The following LRRFIP1 variants were observed in gnomAD, a reference collection of about 807,000 sequenced individuals.
LRRFIP1 encodes the protein leucine-rich repeat flightless-interacting protein 1.
A neutral mutation model predicts 104.4 loss-of-function variants in LRRFIP1; 62 were observed. The observed-to-expected ratio is 0.59, with a 90% CI of 0.48 to 0.73. The LOEUF is 0.73. Among genes scored for constraint, LRRFIP1 ranks in the 30% least tolerant of loss-of-function variants. The pLI, the probability that LRRFIP1 is intolerant of heterozygous loss-of-function variation, is 0.00. For missense variants in LRRFIP1, 796 were observed against 824.5 expected (o/e 0.97, Z 0.42); for synonymous variants, 300 against 299.0 (o/e 1.00, Z -0.03).
intron 3 of LRRFIP1, among the ~76,000 whole-genome samples, chr2:237,715,105 C>T (rs1185979097): frequency 6.6e-6 from 1 of 152,174 alleles, no homozygotes; most frequent in Middle Eastern, 3.2e-3. Context: ...ACACAGGCCT[C>T]GGAATGCACG....
At chr2:237,714,400 A>G in intron 3 of LRRFIP1, 124 bp downstream of exon 3, 1 of 727,734 alleles carries the variant, frequency 1.4e-6, no homozygotes, top group Non-Finnish European at 2.3e-6. Flanking sequence ...TGTTTATTTT[A>G]CTACTTTGTG....
chr2:237,772,589 T>C lies in LRRFIP1; in HGVS notation c.1628-277T>C, dbSNP rs531113150. ...TATGCCCAGTCTCTCTCCGCCCTTT[T>C]CCCTACCCCCTACCATCTCTTTGTC... On this transcript the variant is annotated intron_variant, in intron 21 of 23. Transcript: ENST00000308482. The C allele has an allele frequency of 5.3e-5, 28 of 529,592 alleles. No individual in the cohort carries two copies. The South Asian group carries it at 7.2e-4, about 14-fold the overall frequency. The allele number at this position is 529,592 out of a possible 1,614,324, so 32.8% of individuals were successfully genotyped here.
chr2:237,753,838 G>A (rs1315498464), intron 15 of LRRFIP1, among the ~76,000 whole-genome samples: 5 of 84,250 alleles, frequency 5.9e-5, no homozygotes, highest in Admixed American at 1.3e-4. Flanking sequence ...GTGTGTGTGT[G>A]TGTATGTATG....
intron 1 of LRRFIP1, among the ~76,000 whole-genome samples, chr2:237,648,844 A>G (rs1358444903): frequency 6.6e-6 from 1 of 151,556 alleles, no homozygotes; most frequent in Non-Finnish European, 1.5e-5. Context: ...TCCCCAGGGG[A>G]AGGAAAAATG....
At chr2:237,678,845 A>T (rs1409086223) in intron 1 of LRRFIP1, among the ~76,000 whole-genome samples, 1 of 152,102 alleles carries the variant, frequency 6.6e-6, no homozygotes, top group Non-Finnish European at 1.5e-5. Flanking sequence ...TATAGATCAA[A>T]CACCTTCATT....
rs769330235 is a variant in LRRFIP1, at chr2:237,733,794, T to A, written c.465T>A (p.Ala155=). ...RSGRPSCLYS[A]ARPSGSYRAS... ...TCCAGCCCTCCTGTCTGTACAGCGC[T>A]GCCCGGCCTTCGGGGAGTTACCGGG... The change falls in exon 9 of 24, where the codon GCT becomes GCA. Residue 155 remains alanine, a synonymous_variant. Coordinates refer to ENST00000308482, the MANE Select transcript of LRRFIP1 (RefSeq NM_001137550.2). 5 of 1,613,938 alleles carry A rather than the reference T, an allele frequency of 3.1e-6. No individual in the cohort carries two copies. In the South Asian group the frequency reaches 5.5e-5, roughly 18 times the overall value.
intron 8 of LRRFIP1, among the ~76,000 whole-genome samples, chr2:237,731,026 C>T (rs1051429729): frequency 1.3e-5 from 2 of 152,222 alleles, no homozygotes; most frequent in Non-Finnish European, 2.9e-5. Flanking sequence ...GCCATTTGAG[C>T]AGAGCAGAGG....
chr2:237,739,353 C>T, intron 11 of LRRFIP1, 44 bp downstream of exon 11: 4 of 1,485,096 alleles, frequency 2.7e-6, no homozygotes, highest in Middle Eastern at 1.7e-4. Flanking sequence ...TGTCACCCTC[C>T]CTCCCCCTTC....
intron 19 of LRRFIP1, among the ~76,000 whole-genome samples, chr2:237,761,472 T>TA (rs1397225056): frequency 2.0e-5 from 3 of 152,260 alleles, no homozygotes; most frequent in African/African-American, 7.2e-5. Context: ...ACGCTGCTCT[T>TA]ACTCAAATAC....
chr2:237,683,463 C>G (rs1434149822), intron 1 of LRRFIP1: 3 of 152,256 alleles, frequency 2.0e-5, no homozygotes, highest in African/African-American at 7.2e-5. Flanking sequence ...CACACTCCCC[C>G]TGAAGTTCAT....
chr2:237,650,724 A>G (rs896034730), intron 1 of LRRFIP1, among the ~76,000 whole-genome samples: 4 of 152,338 alleles, frequency 2.6e-5, no homozygotes, highest in African/African-American at 9.6e-5. Context: ...GAGGTGGAGA[A>G]GTATTTGCAT....
At position 237,653,665 on chromosome 2, in the gene LRRFIP1, G is replaced by A. The variant is rs144032051; in HGVS notation, c.96+25925G>A. On this transcript the variant is annotated intron_variant, in intron 1 of 23. Transcript: ENST00000308482. ...GGTACTGGCATAAACAGAAACAGGT[G>A]GACCAGTGGAAGAATAGCGAGCCCA... Among the ~76,000 whole-genome samples the A allele has an allele frequency of 2.6e-3, 389 of 152,294 alleles. 1 individual carries two copies. The highest frequency in any genetic ancestry group is 0.014 in the South Asian group (69 of 4,830).
At chr2:237,749,177 T>C (rs139141941) in intron 12 of LRRFIP1, 22 bp from the exon 13 acceptor site, 50 of 1,610,388 alleles carry the variant, frequency 3.1e-5, no homozygotes, top group Non-Finnish European at 4.0e-5. Flanking sequence ...CATATCAGCA[T>C]GTGATCCTCT....
rs192262468 is a variant in LRRFIP1, at chr2:237,628,782, A to G, written c.96+1042A>G. ...ATCCGTCAGATATTCTGGGGGATCT[A>G]CTCTGTAACCAATCCTTAGGTGTTT... On this transcript the variant is annotated intron_variant, in intron 1 of 23. Coordinates refer to ENST00000308482, the MANE Select transcript of LRRFIP1 (RefSeq NM_001137550.2). Among the ~76,000 whole-genome samples the G allele has an allele frequency of 9.2e-5, 14 of 152,216 alleles. No homozygotes were observed. In the East Asian group the frequency reaches 1.9e-3, roughly 21 times the overall value.
At chr2:237,701,623 G>C (rs1332598912) in intron 1 of LRRFIP1, among the ~76,000 whole-genome samples, 1 of 152,210 alleles carries the variant, frequency 6.6e-6, no homozygotes, top group Non-Finnish European at 1.5e-5. Flanking sequence ...TCTTCTTATA[G>C]CTGGGAATCT....
At chr2:237,706,809 G>T (rs1386922698) in intron 1 of LRRFIP1, among the ~76,000 whole-genome samples, 1 of 152,030 alleles carries the variant, frequency 6.6e-6, no homozygotes, top group African/African-American at 2.4e-5. Context: ...TGTATTGTTG[G>T]TAGACACAGG....
intron 1 of LRRFIP1, among the ~76,000 whole-genome samples, chr2:237,702,350 A>T (rs553580855): frequency 6.6e-6 from 1 of 152,164 alleles, no homozygotes; most frequent in Admixed American, 6.5e-5. Flanking sequence ...TTGCTGTAAG[A>T]CCTAGTTCCT....
In LRRFIP1 at chr2:237,779,526, G is replaced by C. The variant is rs1576479451; in HGVS notation, c.1917G>C (p.Gln639His). 2 of 1,613,026 alleles carry C rather than the reference G, an allele frequency of 1.2e-6. No homozygotes were observed. ...MKANRSALLS[Q>H]Q ...CAAATCGGAGTGCACTCTTGTCCCA[G>C]CAGTAAATTCCAGCTCTGATCAGGC... The change falls in exon 24 of 24, where the codon CAG becomes CAC. Residue 639 changes from glutamine to histidine, a missense_variant. By Grantham distance (24) the Gln-to-His change is conservative (BLOSUM62 0). Transcript: ENST00000308482.
chr2:237,669,730 C>T (rs2090041107), intron 1 of LRRFIP1, among the ~76,000 whole-genome samples: 1 of 152,092 alleles, frequency 6.6e-6, no homozygotes, highest in Non-Finnish European at 1.5e-5. Context: ...GATGCCTCCA[C>T]CCCGGGTAAA....
Sources: gnomAD v4.1 joint callset for allele counts (sites outside exome capture counted in the v4.1 genomes callset) on GRCh38, gnomAD v4.1.1 for gene constraint, MANE v1.5 for transcripts, NCBI Gene and HGNC (gene_info 2026-07-23, HGNC 2026-07-21) for gene names.